Variants in SMARCC1 observed in about 807,000 individuals in gnomAD.
SMARCC1 encodes the protein SWI/SNF complex subunit SMARCC1.
In SMARCC1, 43 loss-of-function variants were observed where a neutral mutation model predicts 147.4. That is an observed-to-expected ratio of 0.29 (90% confidence interval 0.23 to 0.38). The LOEUF (loss-of-function observed/expected upper bound fraction) is 0.38, where lower values mean the gene tolerates loss of function less well. Among genes scored for constraint, SMARCC1 ranks in the 10% least tolerant of loss-of-function variants. The probability of loss-of-function intolerance (pLI) is 1.00; values close to 1 mark genes in which losing one functional copy is unlikely to be tolerated. For missense variants in SMARCC1, 1,119 were observed against 1,381.1 expected, an observed-to-expected ratio of 0.81 and a Z score of 3.01; for synonymous variants, 495 against 484.4, an observed-to-expected ratio of 1.02 and a Z score of -0.29.
At chr3:47,634,508 G>C (rs1358711373) in intron 24 of SMARCC1, among the ~76,000 whole-genome samples, 1 of 152,194 alleles carries the variant, frequency 6.6e-6, no homozygotes, top group East Asian at 1.9e-4. Flanking sequence ...AGTAATCACT[G>C]TTTCTTGAAA....
intron 2 of SMARCC1, among the ~76,000 whole-genome samples, chr3:47,771,513 C>T (rs904042309): frequency 1.3e-5 from 2 of 152,154 alleles, no homozygotes; most frequent in Admixed American, 6.5e-5. Context: ...TCTGGGAGGC[C>T]GAGGTAGGGA....
chr3:47,663,277 C>G (rs2033376075), intron 19 of SMARCC1, among the ~76,000 whole-genome samples: 1 of 146,094 alleles, frequency 6.8e-6, no homozygotes, highest in Non-Finnish European at 1.5e-5. Context: ...GGCTTTTTTA[C>G]TAATACATAC....
intron 21 of SMARCC1, among the ~76,000 whole-genome samples, chr3:47,659,759 AAG>A (rs1491428676): frequency 7.7e-5 from 2 of 26,078 alleles, no homozygotes; most frequent in East Asian, 2.1e-3. Flanking sequence ...AGAAAAAAAA[AAG>A]GGGGGGGGGG....
intron 12 of SMARCC1, among the ~76,000 whole-genome samples, chr3:47,690,028 C>T (rs1174226804): frequency 6.6e-6 from 1 of 152,028 alleles, no homozygotes; most frequent in Admixed American, 6.6e-5. Context: ...CTACTGTGAC[C>T]GCTGGCACTA....
intron 3 of SMARCC1, among the ~76,000 whole-genome samples, chr3:47,744,017 C>T (rs1308098703): frequency 6.6e-6 from 1 of 152,142 alleles, no homozygotes; most frequent in African/African-American, 2.4e-5. Flanking sequence ...TACAAACCAT[C>T]TCTACAAGTA....
chr3:47,630,261 T>C (rs1208954283), intron 24 of SMARCC1, among the ~76,000 whole-genome samples: 1 of 152,116 alleles, frequency 6.6e-6, no homozygotes, highest in Non-Finnish European at 1.5e-5. Flanking sequence ...GCACACAACC[T>C]AGATCCCTCG....
At chr3:47,588,873 G>C (rs569336186) in intron 27 of SMARCC1, among the ~76,000 whole-genome samples, 2 of 152,046 alleles carry the variant, frequency 1.3e-5, no homozygotes, top group Non-Finnish European at 2.9e-5. Context: ...GCAGTCCTTC[G>C]ATTTTTGGCC....
intron 2 of SMARCC1, among the ~76,000 whole-genome samples, chr3:47,772,542 T>G (rs2034926888): frequency 6.6e-6 from 1 of 152,182 alleles, no homozygotes; most frequent in Non-Finnish European, 1.5e-5. Context: ...TGGAGAAGAC[T>G]CGGTACGGCG....
intron 19 of SMARCC1, among the ~76,000 whole-genome samples, chr3:47,664,139 G>C (rs1020664784): frequency 6.8e-6 from 1 of 148,130 alleles, no homozygotes; most frequent in African/African-American, 2.5e-5. Flanking sequence ...ACTTCTATTT[G>C]TGCCACATCT....
chr3:47,703,351 A>G (rs2033950195), intron 10 of SMARCC1, among the ~76,000 whole-genome samples: 1 of 152,216 alleles, frequency 6.6e-6, no homozygotes, highest in African/African-American at 2.4e-5. Context: ...ACTGCCCTCC[A>G]GCCTTTATTC....
rs749454885 is a variant in SMARCC1, at chr3:47,635,261, G to C, written c.2575C>G (p.His859Asp). 6 of 1,613,370 alleles carry C rather than the reference G, an allele frequency of 3.7e-6. No individual in the cohort carries two copies. Among genetic ancestry groups the C allele is most frequent in the Non-Finnish European group, 4.2e-6 (5 of 1,179,660 alleles). ...GCAACATTTCCTTCGGAAATTTCAT[G>C]TTCTACTTTCTTCTTCCCAGTATCA... is the stretch of plus-strand genomic sequence containing the variant. ...ESDTGKKKVE[H>D]EISEGNVATA... Residue 859 changes from histidine to aspartate, a missense_variant, in exon 24 of 28, where the codon CAT becomes GAT. By Grantham distance (81) the His-to-Asp change is moderately conservative. Coordinates refer to ENST00000254480, the MANE Select transcript of SMARCC1 (RefSeq NM_003074.4).
chr3:47,659,295 A>G (rs1349342542), intron 21 of SMARCC1, among the ~76,000 whole-genome samples: 3 of 150,388 alleles, frequency 2.0e-5, no homozygotes, highest in South Asian at 2.1e-4. Flanking sequence ...AAAAAAAAGA[A>G]AAAAAAAAGA....
chr3:47,705,922 C>T (rs2033987387), intron 10 of SMARCC1, among the ~76,000 whole-genome samples: 1 of 152,078 alleles, frequency 6.6e-6, no homozygotes, highest in African/African-American at 2.4e-5. Flanking sequence ...CAGTAGAAAT[C>T]GTAATCCTCA....
chr3:47,619,211 T>C (rs1437411482), intron 25 of SMARCC1, among the ~76,000 whole-genome samples: 1 of 152,222 alleles, frequency 6.6e-6, no homozygotes, highest in Non-Finnish European at 1.5e-5. Context: ...ACATACTGTA[T>C]TGTCGTTATT....
chr3:47,753,606 C>A (rs746740771), intron 2 of SMARCC1, among the ~76,000 whole-genome samples: 1 of 145,716 alleles, frequency 6.9e-6, no homozygotes, highest in East Asian at 2.1e-4. Flanking sequence ...CCCAGCTACT[C>A]GAGAGGCTGA....
intron 25 of SMARCC1, among the ~76,000 whole-genome samples, chr3:47,617,156 C>T (rs1049314637): frequency 3.9e-5 from 6 of 152,170 alleles, no homozygotes; most frequent in African/African-American, 1.4e-4. Context: ...TAGATAAATA[C>T]AAAGAGCTGA....
intron 8 of SMARCC1, 33 bp downstream of exon 8, chr3:47,714,378 AAGAT>A: frequency 7.6e-7 from 1 of 1,313,634 alleles, no homozygotes; most frequent in Non-Finnish European, 1.1e-6. Flanking sequence ...AAATTTTAAA[AAGAT>A]TATTGTAAGA....
chr3:47,728,078 CTTTTTTTTTTTTTT>C lies in SMARCC1; in HGVS notation c.646+933_646+946del, dbSNP rs1166964500. Among the ~76,000 whole-genome samples the C allele has an allele frequency of 5.1e-4, 29 of 56,878 alleles. 1 individual carries two copies. In the South Asian group the frequency reaches 0.024, roughly 47 times the overall value. 37.3% of individuals were successfully genotyped at this position (56,878 alleles called of 152,430 possible). ...CCGGATTTAACCACCTTATTAGTCC[CTTTTTTTTTTTTTT>C]TTTTTTTTTTTTGAGATGGAGTCTC... On this transcript the variant is annotated intron_variant, in intron 6 of 27. Transcript: ENST00000254480.
chr3:47,636,235 T>C, intron 22 of SMARCC1, 99 bp from the exon 23 acceptor site: 1 of 665,310 alleles, frequency 1.5e-6, no homozygotes, highest in Non-Finnish European at 2.6e-6. Context: ...TCCAATATTT[T>C]TGGCAAGAAA....
Sources: gnomAD v4.1 joint callset for allele counts (sites outside exome capture counted in the v4.1 genomes callset) on GRCh38, gnomAD v4.1.1 for gene constraint, MANE v1.5 for transcripts, NCBI Gene and HGNC (gene_info 2026-07-23, HGNC 2026-07-21) for gene names.